The following SSPN variants were observed in gnomAD, a reference collection of about 807,000 sequenced individuals.
SSPN encodes sarcospan.
SSPN carries 15 observed loss-of-function variants against 19.1 expected under a neutral mutation model. The observed-to-expected ratio is 0.78, with a 90% CI of 0.52 to 1.21. SSPN has a LOEUF of 1.21. Ranked by LOEUF, SSPN falls within the 50% of genes most tolerant of loss-of-function variation. The pLI is 0.00. For missense variants in SSPN, 291 were observed against 314.0 expected (o/e 0.93, Z 0.55); for synonymous variants, 147 against 140.3 (o/e 1.05, Z -0.34).
Position 26,144,403 on chromosome 12 carries a change from G to A in SSPN, c.-31+22251G>A, listed in dbSNP as rs535336660. Among the ~76,000 whole-genome samples the A allele has an allele frequency of 2.0e-4, 31 of 152,296 alleles. 1 individual carries two copies. Among genetic ancestry groups the A allele is most frequent in the African/African-American group, 7.2e-4 (30 of 41,560 alleles). On this transcript the variant is annotated intron_variant, in intron 1 of 2. Transcript: ENST00000538142. ...AGAGTTTGGTGCCTAAACTAGGAGA[G>A]TTTTAAGATGTCTTATGTTACTGTA... is the stretch of plus-strand genomic sequence containing the variant.
At chr12:26,205,989 G>C (rs370552536) in intron 1 of SSPN, among the ~76,000 whole-genome samples, 2 of 152,192 alleles carry the variant, frequency 1.3e-5, no homozygotes, top group East Asian at 3.9e-4. Context: ...GACCAACTAG[G>C]AATTTTTAAA....
chr12:26,184,083 G>C (rs1010469503), intron 1 of SSPN, among the ~76,000 whole-genome samples: 7 of 152,286 alleles, frequency 4.6e-5, no homozygotes, highest in African/African-American at 1.4e-4. Context: ...GGGTATGCTG[G>C]AATCCAATAA....
At chr12:26,212,466 G>A (rs908536590) in intron 1 of SSPN, among the ~76,000 whole-genome samples, 31 of 151,954 alleles carry the variant, frequency 2.0e-4, no homozygotes, top group African/African-American at 5.1e-4. Flanking sequence ...AAATAATCTC[G>A]CATGTCATCT....
chr12:26,147,107 A>G (rs1565671854), intron 1 of SSPN, among the ~76,000 whole-genome samples: 2 of 152,178 alleles, frequency 1.3e-5, no homozygotes, highest in South Asian at 4.1e-4. Context: ...CAAATTGGTA[A>G]ATACAGGTGG....
chr12:26,218,455 A>T, intron 1 of SSPN, among the ~76,000 whole-genome samples: 1 of 146,810 alleles, frequency 6.8e-6, no homozygotes, highest in South Asian at 2.3e-4. Flanking sequence ...AACCTGCACA[A>T]TGTGCACATG....
chr12:26,122,532 G>C (rs765029255), intron 1 of SSPN: 1 of 1,267,280 alleles, frequency 7.9e-7, no homozygotes, highest in Non-Finnish European at 1.0e-6. Flanking sequence ...TCCGCCGAAC[G>C]CCACCAGCGA....
chr12:26,133,247 G>T (rs1368148643), intron 1 of SSPN, among the ~76,000 whole-genome samples: 1 of 152,124 alleles, frequency 6.6e-6, no homozygotes. Flanking sequence ...GGCAAATTTA[G>T]CAAGACAGCC....
chr12:26,178,347 A>ATGTG (rs138659783), intron 1 of SSPN, among the ~76,000 whole-genome samples: 86 of 150,988 alleles, frequency 5.7e-4, no homozygotes, highest in Admixed American at 1.3e-3. Context: ...GACTAAATGT[A>ATGTG]TGTGTGTGTG....
intron 1 of SSPN, among the ~76,000 whole-genome samples, chr12:26,179,366 G>A (rs16930270): frequency 0.37 from 56,489 of 151,946 alleles, 10,810 homozygotes; most frequent in East Asian, 0.53. Context: ...CTTGTCACCC[G>A]CAGACTGGAT....
chr12:26,122,753 T>C (rs777821901), intron 1 of SSPN: 46 of 1,596,724 alleles, frequency 2.9e-5, no homozygotes, highest in Non-Finnish European at 3.7e-5. Context: ...CGCCTTTGCC[T>C]TTCTCGCGGT....
upstream of SSPN, among the ~76,000 whole-genome samples, chr12:26,193,441 C>T (rs1280030842): frequency 2.0e-5 from 3 of 152,096 alleles, no homozygotes; most frequent in Non-Finnish European, 4.4e-5. Context: ...ATGTAAAGCA[C>T]CTGTCATGTG....
At position 26,124,300 on chromosome 12, in the gene SSPN, C is replaced by A. The variant is rs539207624; in HGVS notation, c.-31+2148C>A. ...AAAACATACTATGTGATAAACTACA[C>A]CCAAGAAACCTCTTTCCTCTGGACT... On this transcript the variant is annotated intron_variant, in intron 1 of 2. Transcript: ENST00000538142. The A allele has an allele frequency of 2.8e-5, 17 of 598,688 alleles. No individual in the cohort carries two copies. In the African/African-American group the frequency reaches 3.8e-4, roughly 13 times the overall value. 37.1% of individuals were successfully genotyped at this position (598,688 alleles called of 1,614,324 possible). A position where few individuals can be genotyped will look rare whatever the true frequency, so the allele number is the denominator to read the frequency against.
At chr12:26,183,130 T>C (rs1944730626) in intron 1 of SSPN, among the ~76,000 whole-genome samples, 1 of 152,152 alleles carries the variant, frequency 6.6e-6, no homozygotes, top group Non-Finnish European at 1.5e-5. Context: ...TGACTTACAA[T>C]TTCCTGAAGA....
In SSPN at chr12:26,195,655, AC is replaced by A; in HGVS notation, c.-15del. The A allele has an allele frequency of 6.6e-6, 1 of 151,484 alleles. No individual in the cohort carries two copies. The highest frequency in any genetic ancestry group is 3.7e-4 in the East Asian group (1 of 2,726). 9.4% of individuals were successfully genotyped at this position (151,484 alleles called of 1,614,324 possible). On this transcript the variant is annotated 5_prime_UTR_variant, in exon 1 of 3. Coordinates refer to ENST00000242729, the MANE Select transcript of SSPN (RefSeq NM_005086.5). ...GCGCCGCACACGCACCCACCCACCCACCCAGCCTCGCAGCGCCATGGGCAAG... is the reference window on the plus strand; with the variant it reads ...GCGCCGCACACGCACCCACCCACCCACCAGCCTCGCAGCGCCATGGGCAAG...
chr12:26,223,462 G>A (rs1469463936), intron 1 of SSPN, among the ~76,000 whole-genome samples: 5 of 152,142 alleles, frequency 3.3e-5, no homozygotes, highest in South Asian at 2.1e-4. Context: ...CACCCGCCTC[G>A]GCCTCCCGAA....
At chr12:26,152,120 A>G (rs1030577062) in intron 1 of SSPN, among the ~76,000 whole-genome samples, 1 of 152,198 alleles carries the variant, frequency 6.6e-6, no homozygotes, top group African/African-American at 2.4e-5. Context: ...TAGGCAATCA[A>G]CAAAACAGTA....
intron 1 of SSPN, among the ~76,000 whole-genome samples, chr12:26,143,555 G>A (rs1031238658): frequency 5.9e-5 from 9 of 152,166 alleles, no homozygotes; most frequent in African/African-American, 1.9e-4. Flanking sequence ...GGCCTCTTAG[G>A]TGACATTAGG....
chr12:26,191,364 T>A (rs143879196), upstream of SSPN, among the ~76,000 whole-genome samples: 3 of 152,300 alleles, frequency 2.0e-5, no homozygotes, highest in African/African-American at 7.2e-5. Context: ...CATGTGCCTA[T>A]AGTCCTAGCT....
chr12:26,230,831 C>G lies in SSPN; in HGVS notation c.487C>G (p.Gln163Glu). 2 of 1,614,220 alleles carry G rather than the reference C, an allele frequency of 1.2e-6. No homozygotes were observed. The highest frequency in any genetic ancestry group is 1.7e-6 in the Non-Finnish European group (2 of 1,180,048). ...FTCETTLDSC[Q>E]CKLPSSEPLS... Reference sequence around the variant, plus strand: ...CTGTGAGACCACACTCGACTCTTGCCAGTGCAAACTGCCCTCCTCGGAGCC... The same window carrying G: ...CTGTGAGACCACACTCGACTCTTGCGAGTGCAAACTGCCCTCCTCGGAGCC... Residue 163 changes from glutamine to glutamate, a missense_variant, in exon 3 of 3, where the codon CAG becomes GAG. This residue lies in a region of SSPN where 141 missense variants were observed against 166.7 expected (regional missense o/e 0.85). Coordinates refer to ENST00000242729, the MANE Select transcript of SSPN (RefSeq NM_005086.5).
Sources: allele counts gnomAD v4.1 joint callset (sites outside exome capture counted in the v4.1 genomes callset), GRCh38; gene constraint gnomAD v4.1.1; regional missense constraint gnomAD v4.1.1; transcripts MANE v1.5; gene names NCBI Gene and HGNC (gene_info 2026-07-23, HGNC 2026-07-21).